ZNF43: variants seen among roughly 807,000 people sequenced by gnomAD.
The protein encoded by ZNF43 is zinc finger protein 43.
In ZNF43, 44 loss-of-function variants were observed where a neutral mutation model predicts 68.4. The observed-to-expected ratio is 0.64, with a 90% CI of 0.51 to 0.83. ZNF43 has a LOEUF of 0.83. Among genes scored for constraint, ZNF43 ranks in the 40% least tolerant of loss-of-function variants. ZNF43 has a pLI of 0.00. For synonymous variants in ZNF43, 308 were observed against 307.8 expected (o/e 1.00, Z -0.01); for missense variants, 896 against 933.2 (o/e 0.96, Z 0.52).
At chr19:21,835,249 CAA>C (rs377486360) in intron 1 of ZNF43, among the ~76,000 whole-genome samples, 32,242 of 81,942 alleles carry the variant, frequency 0.39, 4,041 homozygotes, top group African/African-American at 0.52. Context: ...AAGTCCATCT[CAA>C]AAAAAAAAAA....
At chr19:21,835,917 G>T (rs1414493900) in intron 1 of ZNF43, 119 bp downstream of exon 1, 1 of 1,546,994 alleles carries the variant, frequency 6.5e-7, no homozygotes, top group Non-Finnish European at 8.9e-7. Flanking sequence ...GGCTGAAGGG[G>T]ATTGAGGCCG....
At chr19:21,826,880 T>G (rs1269124288) in intron 1 of ZNF43, 1 of 151,658 alleles carries the variant, frequency 6.6e-6, no homozygotes, top group Non-Finnish European at 1.5e-5. Flanking sequence ...GTTCAGATGA[T>G]GATAACTCCG....
rs2037179613 is a variant in ZNF43, at chr19:21,809,627, CAT to C, written c.408_409del (p.Cys137PhefsTer12). 6.2e-7 allele frequency: 1 copy of C among 1,611,926 alleles called. No individual in the cohort carries two copies. Among genetic ancestry groups the C allele is most frequent in the Non-Finnish European group, 8.5e-7 (1 of 1,179,184 alleles). ...TATTTTGCTCTGGGTAGCTGGCAAA[CAT>C]TGGTTAAATCCATTATAACCTCCTC... On this transcript the variant is annotated frameshift_variant, in exon 4 of 4. Coordinates refer to ENST00000354959, the MANE Select transcript of ZNF43 (RefSeq NM_003423.4). LOFTEE classifies it high-confidence loss of function.
chr19:21,810,802 T>G (rs950850304), intron 3 of ZNF43, among the ~76,000 whole-genome samples: 1 of 151,928 alleles, frequency 6.6e-6, no homozygotes, highest in African/African-American at 2.4e-5. Context: ...AATAAAAAAT[T>G]AGCCAGGGAT....
Position 21,817,769 on chromosome 19 carries a change from T to G in ZNF43, c.229+119A>C, listed in dbSNP as rs2037600235. 6.5e-6 allele frequency: 7 copies of G among 1,080,700 alleles called. No individual in the cohort carries two copies. The East Asian group carries it at 1.7e-4, about 27-fold the overall frequency. 66.9% of individuals were successfully genotyped at this position (1,080,700 alleles called of 1,614,324 possible). ...AAAGCAAAATGAAAAAACTCAGGCT[T>G]TCCAGAAACTCTTTCCTTTGGAACA... On this transcript the variant is annotated intron_variant, in intron 3 of 3. Transcript: ENST00000354959.
At position 21,809,366 on chromosome 19, in the gene ZNF43, T is replaced by G; in HGVS notation, c.671A>C (p.Asn224Thr). 1 of 1,613,844 alleles carries G rather than the reference T, an allele frequency of 6.2e-7. No individual in the cohort carries two copies. Among genetic ancestry groups the G allele is most frequent in the Non-Finnish European group, 8.5e-7 (1 of 1,179,892 alleles). ...ACATGTGTAGGGTTTCTCTCCAGTATTAATTCTCTTATGTTTAGTGATGAT... is the reference window on the plus strand; with the variant it reads ...ACATGTGTAGGGTTTCTCTCCAGTAGTAATTCTCTTATGTTTAGTGATGAT... ...PSIITKHKRI[N>T]TGEKPYTCEE... The change falls in exon 4 of 4, where the codon AAT becomes ACT. Residue 224 changes from asparagine (N) to threonine (T), a missense_variant. Coordinates refer to ENST00000354959, the MANE Select transcript of ZNF43 (RefSeq NM_003423.4).
At chr19:21,817,806 G>A (rs539919857) in intron 3 of ZNF43, 82 bp downstream of exon 3, 1 of 1,399,436 alleles carries the variant, frequency 7.1e-7, no homozygotes, top group African/African-American at 1.4e-5. Context: ...AGCTTCCCAA[G>A]TCACATTTTA....
chr19:21,828,648 C>T (rs186473407), intron 1 of ZNF43, among the ~76,000 whole-genome samples: 153 of 151,684 alleles, frequency 1.0e-3, no homozygotes, highest in African/African-American at 3.5e-3. Context: ...ACCCAGTAGG[C>T]GGAGGTTGCA....
rs374484519 is a variant in ZNF43, at chr19:21,846,002, GAGA to G, written c.30+5900_30+5902del. ...TTTTTTGTTCAGAGTCCAAGCAGTA[GAGA>G]AGAAGTCACATTACCTAAATGCTGC... is the stretch of plus-strand genomic sequence containing the variant. On this transcript the variant is annotated intron_variant, in intron 1 of 3. Transcript: ENST00000357491. Among the ~76,000 whole-genome samples, 25 of 151,764 alleles carry G rather than the reference GAGA, an allele frequency of 1.6e-4. No homozygotes were observed. The East Asian group carries it at 2.1e-3, about 13-fold the overall frequency.
intron 1 of ZNF43, chr19:21,851,832 C>G: frequency 6.7e-7 from 1 of 1,484,752 alleles, no homozygotes; most frequent in Non-Finnish European, 9.0e-7. Flanking sequence ...CAGGAGCGGA[C>G]TGTGAGGAGG....
In ZNF43 at chr19:21,834,916, G is replaced by A. The variant is rs569199950; in HGVS notation, c.3+1120C>T. Among the ~76,000 whole-genome samples the A allele has an allele frequency of 2.1e-5, 3 of 144,938 alleles. No homozygotes were observed. The South Asian group carries it at 6.6e-4, about 32-fold the overall frequency. ...TATCTAAAATATCTTTATCTAAAAC[G>A]TATCTCTGTATCTAAAATGTACACT... On this transcript the variant is annotated intron_variant, in intron 1 of 3. Coordinates refer to ENST00000354959, the MANE Select transcript of ZNF43 (RefSeq NM_003423.4).
At chr19:21,849,545 C>G (rs1185103010) in intron 1 of ZNF43, among the ~76,000 whole-genome samples, 1 of 138,398 alleles carries the variant, frequency 7.2e-6, no homozygotes, top group East Asian at 2.3e-4. Flanking sequence ...CATGGTAGCT[C>G]ATGCCTGTAA....
intron 1 of ZNF43, among the ~76,000 whole-genome samples, chr19:21,829,032 C>CAAAAAAAAAAA (rs551226809): frequency 2.3e-4 from 9 of 38,812 alleles, no homozygotes; most frequent in African/African-American, 3.5e-4. Flanking sequence ...GACTCTGTCT[C>CAAAAAAAAAAA]AAAAAAAAAA....
intron 3 of ZNF43, among the ~76,000 whole-genome samples, chr19:21,813,103 A>G (rs1335844957): frequency 1.3e-5 from 2 of 152,096 alleles, no homozygotes; most frequent in East Asian, 3.9e-4. Flanking sequence ...TTAACCAGGC[A>G]TGGTGGCACA....
At chr19:21,844,522 C>A (rs1430334087) in intron 1 of ZNF43, among the ~76,000 whole-genome samples, 1 of 151,768 alleles carries the variant, frequency 6.6e-6, no homozygotes, top group East Asian at 1.9e-4. Flanking sequence ...TTTTCTCAAG[C>A]CTAGCTAGGC....
chr19:21,834,845 G>C (rs560630234), intron 1 of ZNF43, among the ~76,000 whole-genome samples: 15 of 150,086 alleles, frequency 1.0e-4, no homozygotes, highest in South Asian at 8.4e-4. Flanking sequence ...TCCATCCAAT[G>C]ATTTTTCAAA....
chr19:21,807,505 AG>A lies in ZNF43; in HGVS notation c.*101del. 9.2e-7 allele frequency: 1 copy of A among 1,089,558 alleles called. No individual in the cohort carries two copies. Among genetic ancestry groups the A allele is most frequent in the Non-Finnish European group, 1.3e-6 (1 of 794,726 alleles). The allele number at this position is 1,089,558 out of a possible 1,614,324, so 67.5% of individuals were successfully genotyped here. ...TTGCCACATTCTTCACACTTGTAGAAGTTTACTCCAATGTAAATTATCTTAC... is the reference window on the plus strand; with the variant it reads ...TTGCCACATTCTTCACACTTGTAGAATTTACTCCAATGTAAATTATCTTAC... On this transcript the variant is annotated 3_prime_UTR_variant, in exon 4 of 4. Transcript: ENST00000354959.
At chr19:21,851,971 G>A in exon 1 of ZNF43, 2 of 1,539,040 alleles carry the variant, frequency 1.3e-6, no homozygotes, top group East Asian at 2.5e-5. Flanking sequence ...CAGATCACAG[G>A]GTAACGGAGG....
upstream of ZNF43, chr19:21,840,241 C>CCA (rs1555727063): frequency 6.6e-6 from 1 of 152,226 alleles, no homozygotes; most frequent in Non-Finnish European, 1.5e-5. Context: ...CAGAGTCACA[C>CCA]CACCTAGATG....
Sources: gnomAD v4.1 joint callset for allele counts (sites outside exome capture counted in the v4.1 genomes callset) on GRCh38, gnomAD v4.1.1 for gene constraint, MANE v1.5 for transcripts, NCBI Gene and HGNC (gene_info 2026-07-23, HGNC 2026-07-21) for gene names.